The following FRMPD4 variants were observed in gnomAD, a reference collection of about 807,000 sequenced individuals.
FRMPD4 encodes FERM and PDZ domain containing 4.
In FRMPD4, 22 loss-of-function variants were observed where a neutral mutation model predicts 94.1. The ratio of observed to expected loss-of-function variants is 0.23; its 90% CI spans 0.17 to 0.33. FRMPD4 has a LOEUF of 0.33. Ranked by LOEUF, FRMPD4 falls within the 10% of genes least tolerant of loss-of-function variation. FRMPD4 has a pLI of 1.00. For missense variants in FRMPD4, 1,111 were observed against 1,339.9 expected (o/e 0.83, Z 2.67); for synonymous variants, 631 against 548.6 (o/e 1.15, Z -2.10).
intron 1 of FRMPD4, among the ~76,000 whole-genome samples, chrX:12,388,820 T>TA (rs1219307689): frequency 6.0e-5 from 1 of 16,684 alleles, no homozygotes. Context: ...GAAAATGTGA[T>TA]ATATATATAT....
At chrX:12,443,455 T>C (rs1044088220) in intron 1 of FRMPD4, among the ~76,000 whole-genome samples, 4 of 112,183 alleles carry the variant, frequency 3.6e-5, no homozygotes, top group Non-Finnish European at 5.6e-5. Context: ...TTGTACTCAG[T>C]GTTAAAAATT....
intron 3 of FRMPD4, among the ~76,000 whole-genome samples, chrX:12,064,013 T>A (rs1442019725): frequency 8.9e-6 from 1 of 111,903 alleles, no homozygotes; most frequent in Non-Finnish European, 1.9e-5. Flanking sequence ...ATACTTGAAG[T>A]TTGTGGGCTG....
intron 1 of FRMPD4, among the ~76,000 whole-genome samples, chrX:12,453,855 A>ACTT (rs1176331106): frequency 8.9e-6 from 1 of 112,226 alleles, no homozygotes; most frequent in Non-Finnish European, 1.9e-5. Context: ...TGAACCTCTG[A>ACTT]CTTTTATTTT....
intron 2 of FRMPD4, among the ~76,000 whole-genome samples, chrX:11,867,265 G>T: frequency 8.9e-6 from 1 of 111,903 alleles, no homozygotes; most frequent in South Asian, 3.7e-4. Context: ...AGGGCTTATA[G>T]TAGAAGCAGA....
intron 2 of FRMPD4, among the ~76,000 whole-genome samples, chrX:12,564,768 A>T (rs1432242062): frequency 9.0e-6 from 1 of 110,840 alleles, no homozygotes; most frequent in Non-Finnish European, 1.9e-5. Flanking sequence ...TGAGGCTGGA[A>T]CTGGAAAAAT....
At chrX:12,326,020 G>A (rs930642166) in intron 1 of FRMPD4, among the ~76,000 whole-genome samples, 2 of 112,102 alleles carry the variant, frequency 1.8e-5, no homozygotes, top group Non-Finnish European at 3.8e-5. Flanking sequence ...CCTACTCTAG[G>A]TCTTCTCAGA....
intron 1 of FRMPD4, among the ~76,000 whole-genome samples, chrX:12,390,724 T>A (rs1318325718): frequency 1.8e-5 from 2 of 112,090 alleles, no homozygotes; most frequent in Non-Finnish European, 3.8e-5. Context: ...ACTTTTTTTC[T>A]GTACTGTGAT....
At chrX:11,854,090 G>A (rs1298723032) in intron 1 of FRMPD4, among the ~76,000 whole-genome samples, 2 of 111,819 alleles carry the variant, frequency 1.8e-5, no homozygotes, top group African/African-American at 6.5e-5. Context: ...TACAATCATG[G>A]CAGAAGGCAC....
chrX:12,302,680 G>A (rs2054878373), intron 1 of FRMPD4, among the ~76,000 whole-genome samples: 1 of 111,638 alleles, frequency 9.0e-6, no homozygotes, highest in African/African-American at 3.3e-5. Flanking sequence ...CTTCTGATAA[G>A]CTTAAGAAAT....
At chrX:12,216,649 C>A (rs1169008035) in intron 1 of FRMPD4, among the ~76,000 whole-genome samples, 1 of 111,889 alleles carries the variant, frequency 8.9e-6, no homozygotes, top group African/African-American at 3.3e-5. Flanking sequence ...CAAACCATAA[C>A]CAGGAACTCA....
chrX:11,968,450 G>A (rs139760550), intron 3 of FRMPD4, among the ~76,000 whole-genome samples: 106 of 111,634 alleles, frequency 9.5e-4, no homozygotes, highest in Non-Finnish European at 1.7e-3. Context: ...TATATACAGG[G>A]TGGTTCAGTA....
chrX:11,902,669 A>G (rs1046753734), intron 3 of FRMPD4, among the ~76,000 whole-genome samples: 1 of 111,193 alleles, frequency 9.0e-6, no homozygotes, highest in East Asian at 2.8e-4. Flanking sequence ...TTTCAGTAAG[A>G]TTTGTCAAAG....
intron 1 of FRMPD4, among the ~76,000 whole-genome samples, chrX:12,169,112 A>G (rs2056177342): frequency 8.9e-6 from 1 of 112,460 alleles, no homozygotes; most frequent in South Asian, 3.7e-4. Context: ...TAAATAGGCT[A>G]GACATATGTA....
intron 1 of FRMPD4, among the ~76,000 whole-genome samples, chrX:12,411,925 G>A (rs2056737067): frequency 9.0e-6 from 1 of 111,634 alleles, no homozygotes. Flanking sequence ...GGTAACTACA[G>A]TCTTTTACTT....
intron 1 of FRMPD4, among the ~76,000 whole-genome samples, chrX:12,470,319 A>G (rs7889049): frequency 6.8e-4 from 76 of 112,068 alleles, no homozygotes; most frequent in African/African-American, 2.2e-3. Flanking sequence ...CTGTAAGAAC[A>G]TTCTACATAA....
At chrX:11,888,308 A>C (rs1440576861) in intron 3 of FRMPD4, among the ~76,000 whole-genome samples, 3 of 111,912 alleles carry the variant, frequency 2.7e-5, no homozygotes, top group Non-Finnish European at 3.8e-5. Flanking sequence ...TTTTGGTTTT[A>C]ACACTACACC....
intron 4 of FRMPD4, among the ~76,000 whole-genome samples, chrX:12,657,685 T>A (rs878889377): frequency 6.2e-5 from 7 of 112,167 alleles, no homozygotes; most frequent in Non-Finnish European, 1.1e-4. Context: ...GTTCAGTGTG[T>A]AAATTTCAAT....
At chrX:12,639,684 T>G (rs2059476152) in intron 4 of FRMPD4, among the ~76,000 whole-genome samples, 1 of 112,587 alleles carries the variant, frequency 8.9e-6, no homozygotes, top group Admixed American at 9.5e-5. Flanking sequence ...ATTTTCACAC[T>G]ATGTGTTCTT....
At chrX:12,710,992 A>G (rs2041975904) in intron 14 of FRMPD4, among the ~76,000 whole-genome samples, 1 of 112,358 alleles carries the variant, frequency 8.9e-6, no homozygotes, top group Admixed American at 9.4e-5. Context: ...CAATGCCAAA[A>G]GCCTTCAGAT....
Sources: allele counts gnomAD v4.1 joint callset (sites outside exome capture counted in the v4.1 genomes callset), GRCh38; gene constraint gnomAD v4.1.1; transcripts MANE v1.5; gene names NCBI Gene and HGNC (gene_info 2026-07-23, HGNC 2026-07-21).